The following DIP2C variants were observed in gnomAD, a reference collection of about 807,000 sequenced individuals.
The protein encoded by DIP2C is DIP2 acetate--CoA ligase C (putative), also known as disco-interacting protein 2 homolog C.
Under a neutral mutation model 192.4 loss-of-function variants are expected in DIP2C, and 33 were observed. The observed-to-expected ratio is 0.17, with a 90% CI of 0.13 to 0.23. DIP2C has a LOEUF of 0.23. DIP2C is among the 10% of genes least tolerant of loss of function. DIP2C has a pLI of 1.00. For synonymous variants in DIP2C, 979 were observed against 864.1 expected, an observed-to-expected ratio of 1.13 and a Z score of -2.33; for missense variants, 1,537 against 2,110.1, an observed-to-expected ratio of 0.73 and a Z score of 5.32.
chr10:300,135 A>G (rs7096163), intron 32 of DIP2C, among the ~76,000 whole-genome samples: 1,697 of 152,316 alleles, frequency 0.011, 36 homozygotes, highest in African/African-American at 0.039. Flanking sequence ...GAACTAATGT[A>G]TGGTTCAGCA....
At chr10:473,728 C>G (rs1047894894) in intron 2 of DIP2C, among the ~76,000 whole-genome samples, 6 of 152,268 alleles carry the variant, frequency 3.9e-5, no homozygotes, top group Non-Finnish European at 2.9e-5. Flanking sequence ...CTAATAGATG[C>G]TTCTTCAGAA....
intron 1 of DIP2C, among the ~76,000 whole-genome samples, chr10:617,859 GCCCT>G (rs932527754): frequency 3.3e-5 from 5 of 152,116 alleles, no homozygotes; most frequent in African/African-American, 1.2e-4. Flanking sequence ...CTCAAAAACT[GCCCT>G]CCAAGGGCAC....
intron 2 of DIP2C, among the ~76,000 whole-genome samples, chr10:481,632 C>T (rs1215852572): frequency 6.6e-6 from 1 of 152,200 alleles, no homozygotes; most frequent in Non-Finnish European, 1.5e-5. Context: ...TTTAAATTTA[C>T]CCAAATCAAG....
intron 3 of DIP2C, among the ~76,000 whole-genome samples, chr10:445,257 G>A (rs941285880): frequency 6.7e-6 from 1 of 149,572 alleles, no homozygotes; most frequent in Non-Finnish European, 1.5e-5. Context: ...CATGGCCCAT[G>A]GGGCATCTGT....
intron 2 of DIP2C, among the ~76,000 whole-genome samples, chr10:473,622 C>T (rs1184813250): frequency 2.6e-5 from 4 of 152,218 alleles, no homozygotes; most frequent in African/African-American, 7.2e-5. Flanking sequence ...GCCGTCCCCA[C>T]AGCTCCGTGA....
chr10:655,985 T>C (rs538382253), intron 1 of DIP2C, among the ~76,000 whole-genome samples: 22 of 152,152 alleles, frequency 1.4e-4, no homozygotes, highest in Non-Finnish European at 2.8e-4. Context: ...TTTGTCCTAT[T>C]GTACACTATA....
At chr10:350,169 G>A (rs1011400649) in intron 24 of DIP2C, among the ~76,000 whole-genome samples, 5 of 151,702 alleles carry the variant, frequency 3.3e-5, no homozygotes, top group Non-Finnish European at 5.9e-5. Flanking sequence ...CTGCAGCCTG[G>A]ACCTGCTGGG....
intron 1 of DIP2C, among the ~76,000 whole-genome samples, chr10:536,358 T>G (rs1847691633): frequency 6.6e-6 from 1 of 151,086 alleles, no homozygotes; most frequent in Admixed American, 7.0e-5. Context: ...AAGACCCTGT[T>G]CCCCATAGGG....
At chr10:676,562 T>C (rs543361881) in intron 1 of DIP2C, among the ~76,000 whole-genome samples, 1 of 150,716 alleles carries the variant, frequency 6.6e-6, no homozygotes, top group East Asian at 1.9e-4. Context: ...TTCAGTAAAC[T>C]TACAGAATAC....
At chr10:658,163 C>T (rs111164632) in intron 1 of DIP2C, among the ~76,000 whole-genome samples, 869 of 139,068 alleles carry the variant, frequency 6.2e-3, no homozygotes, top group East Asian at 0.016. Context: ...CTGGACCTGC[C>T]GCTGGACCTG....
chr10:388,527 G>GCC, intron 13 of DIP2C, among the ~76,000 whole-genome samples: 1 of 152,192 alleles, frequency 6.6e-6, no homozygotes, highest in African/African-American at 2.4e-5. Context: ...ATGGCCAAAA[G>GCC]TAAACAACCT....
chr10:606,835 T>C (rs766089081), intron 1 of DIP2C, among the ~76,000 whole-genome samples: 6 of 151,602 alleles, frequency 4.0e-5, no homozygotes, highest in Non-Finnish European at 8.8e-5. Context: ...TGACATCTGG[T>C]GGGCGTCAGT....
chr10:342,849 C>T (rs1958224814), intron 28 of DIP2C, among the ~76,000 whole-genome samples: 1 of 152,178 alleles, frequency 6.6e-6, no homozygotes, highest in Non-Finnish European at 1.5e-5. Flanking sequence ...AGTCCCCCTA[C>T]AGTCTGTGTG....
At chr10:498,463 T>TC (rs997818444) in intron 1 of DIP2C, among the ~76,000 whole-genome samples, 13 of 152,110 alleles carry the variant, frequency 8.5e-5, no homozygotes, top group South Asian at 2.1e-4. Context: ...GATGCTTGCC[T>TC]CCCCTCAGGG....
intron 3 of DIP2C, among the ~76,000 whole-genome samples, chr10:458,762 T>C (rs1969512737): frequency 7.1e-6 from 1 of 140,444 alleles, no homozygotes; most frequent in African/African-American, 2.7e-5. Context: ...CGGCAGCACA[T>C]GGCAGAGTGC....
At chr10:635,574 C>T (rs373129226) in intron 1 of DIP2C, among the ~76,000 whole-genome samples, 68 of 152,354 alleles carry the variant, frequency 4.5e-4, no homozygotes, top group Non-Finnish European at 6.5e-4. Flanking sequence ...CAGAAGCGGC[C>T]GCGCAGTGTG....
intron 1 of DIP2C, among the ~76,000 whole-genome samples, chr10:528,873 T>A (rs1176137406): frequency 6.6e-6 from 1 of 152,136 alleles, no homozygotes; most frequent in Non-Finnish European, 1.5e-5. Flanking sequence ...GCAGCTCTCC[T>A]CTCACTGTGG....
chr10:364,814 C>T (rs1250189347), intron 19 of DIP2C: 1 of 623,606 alleles, frequency 1.6e-6, no homozygotes, highest in Non-Finnish European at 2.9e-6. Context: ...CCTCCACTCA[C>T]CTGCTGGAGC....
intron 1 of DIP2C, among the ~76,000 whole-genome samples, chr10:584,285 G>A (rs1388616863): frequency 1.3e-5 from 2 of 152,214 alleles, no homozygotes; most frequent in African/African-American, 4.8e-5. Context: ...CAGCCATCAT[G>A]TCCTGTTGAA....
Sources: allele counts gnomAD v4.1 joint callset (sites outside exome capture counted in the v4.1 genomes callset), GRCh38; gene constraint gnomAD v4.1.1; transcripts MANE v1.5; gene names NCBI Gene and HGNC (gene_info 2026-07-23, HGNC 2026-07-21).